The following CACNB4 variants were observed in gnomAD, a reference collection of about 807,000 sequenced individuals.
CACNB4 encodes the protein calcium voltage-gated channel auxiliary subunit beta 4, also known as voltage-dependent L-type calcium channel subunit beta-4.
In CACNB4, 32 loss-of-function variants were observed where a neutral mutation model predicts 71.2. The ratio of observed to expected loss-of-function variants is 0.45; its 90% CI spans 0.34 to 0.60. The LOEUF (loss-of-function observed/expected upper bound fraction) is 0.60, where lower values mean the gene tolerates loss of function less well. Ranked by LOEUF, CACNB4 falls within the 20% of genes least tolerant of loss-of-function variation. The pLI is 0.01. For synonymous variants in CACNB4, 231 were observed against 236.9 expected (o/e 0.97, Z 0.23); for missense variants, 464 against 647.9 (o/e 0.72, Z 3.08).
At chr2:151,925,245 G>T (rs913954245) in intron 2 of CACNB4, among the ~76,000 whole-genome samples, 1 of 152,216 alleles carries the variant, frequency 6.6e-6, no homozygotes, top group Non-Finnish European at 1.5e-5. Flanking sequence ...AACAGAGAAT[G>T]AGCAGTAGAA....
Position 151,929,117 on chromosome 2 carries a change from T to C in CACNB4, c.148-45747A>G, listed in dbSNP as rs76107779. 2.4e-3 allele frequency among the ~76,000 whole-genome samples: 361 copies of C among 152,146 alleles called. 2 individuals are homozygous for C. The highest frequency in any genetic ancestry group is 8.1e-3 in the African/African-American group (335 of 41,516). ...ATCTAAGGCTGAAAAGCCATCACAGTGCTTACATAATTCTACTCAGTCCTC... is the reference window on the plus strand; with the variant it reads ...ATCTAAGGCTGAAAAGCCATCACAGCGCTTACATAATTCTACTCAGTCCTC... On this transcript the variant is annotated intron_variant, in intron 2 of 13. Coordinates refer to ENST00000539935, the MANE Select transcript of CACNB4 (RefSeq NM_000726.5).
intron 2 of CACNB4, among the ~76,000 whole-genome samples, chr2:151,949,678 A>G (rs941431163): frequency 2.0e-5 from 3 of 152,182 alleles, no homozygotes; most frequent in Admixed American, 2.0e-4. Flanking sequence ...GGCATCTGCA[A>G]TGGGTTCTGA....
At chr2:152,073,944 G>C (rs900481025) in intron 2 of CACNB4, among the ~76,000 whole-genome samples, 1 of 152,168 alleles carries the variant, frequency 6.6e-6, no homozygotes, top group Admixed American at 6.5e-5. Context: ...CAGGGGATAG[G>C]GGCAGGCAGG....
chr2:151,908,346 T>G (rs2099855303), intron 2 of CACNB4, among the ~76,000 whole-genome samples: 1 of 152,216 alleles, frequency 6.6e-6, no homozygotes, highest in African/African-American at 2.4e-5. Flanking sequence ...GAGACTATTC[T>G]GAAGGCAAAG....
At chr2:151,911,305 C>A (rs180737978) in intron 2 of CACNB4, among the ~76,000 whole-genome samples, 5 of 152,248 alleles carry the variant, frequency 3.3e-5, no homozygotes, top group Admixed American at 3.3e-4. Context: ...CTTTCTCTTG[C>A]CTGATTGCCC....
intron 2 of CACNB4, among the ~76,000 whole-genome samples, chr2:152,062,011 CAAAATAATAATA>C (rs891632898): frequency 6.4e-5 from 5 of 77,692 alleles, no homozygotes; most frequent in African/African-American, 2.6e-4. Flanking sequence ...GATTCCATCT[CAAAATAATAATA>C]ATAATAATAA....
intron 2 of CACNB4, among the ~76,000 whole-genome samples, chr2:152,076,988 C>G (rs184052920): frequency 6.6e-6 from 1 of 152,264 alleles, no homozygotes; most frequent in Admixed American, 6.5e-5. Flanking sequence ...ACTGAGCAGC[C>G]AGGGGAGGTC....
rs373847955 is a variant in CACNB4, at chr2:151,869,152, A to G, written c.758+25T>C. ...CAAGTTTGGTTAAAGGAAAATAAAAATACAAAAACATCTATATTTCTCACC... is the reference window on the plus strand; with the variant it reads ...CAAGTTTGGTTAAAGGAAAATAAAAGTACAAAAACATCTATATTTCTCACC... On this transcript the variant is annotated intron_variant, in intron 9 of 13. Coordinates refer to ENST00000539935, the MANE Select transcript of CACNB4 (RefSeq NM_000726.5). 3.4e-5 allele frequency: 47 copies of G among 1,398,912 alleles called. No individual in the cohort carries two copies. In the African/African-American group the frequency reaches 6.5e-4, roughly 19 times the overall value. 86.7% of individuals were successfully genotyped at this position (1,398,912 alleles called of 1,614,324 possible). A position where few individuals can be genotyped will look rare whatever the true frequency, so the allele number is the denominator to read the frequency against.
At chr2:151,942,883 T>C (rs142660590) in intron 2 of CACNB4, among the ~76,000 whole-genome samples, 3,574 of 152,296 alleles carry the variant, frequency 0.023, 73 homozygotes, top group Non-Finnish European at 0.03. Context: ...GTTTAAGATA[T>C]TTATCAAGAC....
intron 4 of CACNB4, among the ~76,000 whole-genome samples, chr2:151,878,906 G>A (rs893623713): frequency 4.6e-5 from 7 of 151,834 alleles, no homozygotes; most frequent in African/African-American, 1.5e-4. Context: ...GCGAGAACCT[G>A]TCTCCAAAAA....
intron 2 of CACNB4, among the ~76,000 whole-genome samples, chr2:151,923,054 C>T (rs188952359): frequency 3.9e-5 from 6 of 152,290 alleles, no homozygotes; most frequent in East Asian, 1.9e-4. Context: ...GGGCTCATTG[C>T]GGACTTGTCT....
intron 2 of CACNB4, among the ~76,000 whole-genome samples, chr2:152,029,481 G>A (rs576529076): frequency 1.3e-4 from 16 of 121,496 alleles, no homozygotes; most frequent in East Asian, 9.3e-4. Context: ...GCAACAGAGC[G>A]AGACTCGATC....
intron 2 of CACNB4, among the ~76,000 whole-genome samples, chr2:152,045,175 G>A (rs1371799920): frequency 7.9e-5 from 12 of 152,078 alleles, no homozygotes; most frequent in African/African-American, 2.9e-4. Context: ...TTTTTTCAGT[G>A]CTTTCACATG....
rs1225522047 is a variant in CACNB4 at position 151,870,009 on chromosome 2, T to C, written c.699+522A>G. 3 of 546,726 alleles carry C rather than the reference T, an allele frequency of 5.5e-6. No individual in the cohort carries two copies. In the African/African-American group the frequency reaches 5.7e-5, roughly 10 times the overall value. The allele number at this position is 546,726 out of a possible 1,614,324, so 33.9% of individuals were successfully genotyped here. A position where few individuals can be genotyped will look rare whatever the true frequency, so the allele number is the denominator to read the frequency against. On this transcript the variant is annotated intron_variant, in intron 8 of 13. Transcript: ENST00000539935. ...TTCCTTGTCACATGGTTTTGTTTAA[T>C]CTCCAAAGTTCACTAATGTTTTTAG... is the stretch of plus-strand genomic sequence containing the variant.
chr2:152,033,805 C>T (rs1304324297), intron 2 of CACNB4, among the ~76,000 whole-genome samples: 1 of 152,174 alleles, frequency 6.6e-6, no homozygotes, highest in African/African-American at 2.4e-5. Context: ...AAAATGTAAG[C>T]TTTTGCCCTT....
intron 2 of CACNB4, among the ~76,000 whole-genome samples, chr2:152,042,959 A>G (rs1684955461): frequency 6.6e-6 from 1 of 152,162 alleles, no homozygotes; most frequent in Non-Finnish European, 1.5e-5. Flanking sequence ...CTCACAGCTC[A>G]TTATATGCTA....
At position 152,054,297 on chromosome 2, in the gene CACNB4, C is replaced by T. The variant is rs1298956117; in HGVS notation, c.147+44033G>A. Among the ~76,000 whole-genome samples, 4 of 137,192 alleles carry T rather than the reference C, an allele frequency of 2.9e-5. No individual in the cohort carries two copies. The Admixed American group carries it at 3.3e-4, about 11-fold the overall frequency. 90.0% of individuals were successfully genotyped at this position (137,192 alleles called of 152,430 possible). On this transcript the variant is annotated intron_variant, in intron 2 of 13. Transcript: ENST00000539935. ...AGGAGAATGGCGTGAACCCGGGAGG[C>T]GGAGCTTGCAGTGAGCCGAGATCGC...
At chr2:151,897,293 T>C (rs1040297188) in intron 2 of CACNB4, among the ~76,000 whole-genome samples, 5 of 152,218 alleles carry the variant, frequency 3.3e-5, no homozygotes, top group Non-Finnish European at 7.3e-5. Flanking sequence ...TTGTTAAAGA[T>C]GTCAGCCTAG....
At chr2:151,951,842 G>A (rs1411888946) in intron 2 of CACNB4, among the ~76,000 whole-genome samples, 1 of 152,196 alleles carries the variant, frequency 6.6e-6, no homozygotes, top group East Asian at 1.9e-4. Flanking sequence ...GAGGCTTTCT[G>A]AGAGAACTTT....
Sources: allele counts gnomAD v4.1 joint callset (sites outside exome capture counted in the v4.1 genomes callset), GRCh38; gene constraint gnomAD v4.1.1; transcripts MANE v1.5; gene names NCBI Gene and HGNC (gene_info 2026-07-23, HGNC 2026-07-21).